Variants in RNF125 observed in about 807,000 individuals in gnomAD.
RNF125 encodes E3 ubiquitin-protein ligase RNF125.
Under a neutral mutation model 26.0 loss-of-function variants are expected in RNF125, and 21 were observed. The ratio of observed to expected loss-of-function variants is 0.81; its 90% confidence interval spans 0.57 to 1.16. The LOEUF is 1.16. RNF125 is among the 50% of genes most tolerant of loss of function. The pLI, the probability that RNF125 is intolerant of heterozygous loss-of-function variation, is 0.00. For missense variants in RNF125, 270 were observed against 299.4 expected, an observed-to-expected ratio of 0.90 and a Z score of 0.72; for synonymous variants, 95 against 109.2, an observed-to-expected ratio of 0.87 and a Z score of 0.81.
At chr18:32,079,027 T>A in the RNF125 span, among the ~76,000 whole-genome samples, 4 of 152,224 alleles carry the variant, frequency 2.6e-5, no homozygotes, top group Non-Finnish European at 2.9e-5. Flanking sequence ...TCTTTGTTTA[T>A]ATATCTGAGA....
rs1230941043 is a variant in RNF125 at position 32,070,392 on chromosome 18, C to G, written c.*2008C>G. ...TTCACCATAATAGCCAGGCTGGTCT[C>G]AAACTCCTTACCTTGTGATCCGCCC... is the stretch of plus-strand genomic sequence containing the variant. On this transcript the variant is annotated 3_prime_UTR_variant, in exon 6 of 6. Coordinates refer to ENST00000217740, the MANE Select transcript of RNF125 (RefSeq NM_017831.4). 1 of 152,142 alleles carries G rather than the reference C, an allele frequency of 6.6e-6. No homozygotes were observed. The highest frequency in any genetic ancestry group is 1.5e-5 in the Non-Finnish European group (1 of 68,070). 9.4% of individuals were successfully genotyped at this position (152,142 alleles called of 1,614,324 possible). A position where few individuals can be genotyped will look rare whatever the true frequency, so the allele number is the denominator to read the frequency against.
At chr18:32,082,808 A>G in the RNF125 span, among the ~76,000 whole-genome samples, 2 of 152,342 alleles carry the variant, frequency 1.3e-5, no homozygotes, top group African/African-American at 4.8e-5. Flanking sequence ...ATTGAAACCA[A>G]TGTCCCAGTT....
intron 1 of RNF125, among the ~76,000 whole-genome samples, chr18:32,023,003 G>A (rs144319465): frequency 5.9e-5 from 9 of 151,692 alleles, no homozygotes; most frequent in East Asian, 1.9e-4. Flanking sequence ...TATTTTTAGC[G>A]GTGAGATCTC....
chr18:32,051,019 G>A (rs550875722), intron 4 of RNF125, among the ~76,000 whole-genome samples: 4 of 151,362 alleles, frequency 2.6e-5, no homozygotes, highest in African/African-American at 7.3e-5. Flanking sequence ...CACCGCGCCT[G>A]GCCTCAAAGT....
intron 1 of RNF125, 119 bp downstream of exon 1, chr18:32,019,146 G>T (rs957687654): frequency 8.1e-7 from 1 of 1,227,384 alleles, no homozygotes; most frequent in East Asian, 2.7e-5. Context: ...ATTGCTGCAG[G>T]GAGAAACCTG....
chr18:32,065,788 C>T (rs964070809), intron 4 of RNF125, 114 bp from the exon 5 acceptor site: 5 of 709,390 alleles, frequency 7.0e-6, no homozygotes, highest in African/African-American at 3.6e-5. Context: ...GCCTCTGCCT[C>T]CCAAAGTACT....
At chr18:32,076,004 T>C (rs943711936), downstream of RNF125, 21 of 952,428 alleles carry the variant, frequency 2.2e-5, no homozygotes, top group Non-Finnish European at 3.5e-5. Flanking sequence ...GGGAGCAGAT[T>C]ATTCTGCCAT....
chr18:32,034,420 G>C (rs1402482759), intron 1 of RNF125, among the ~76,000 whole-genome samples: 2 of 152,166 alleles, frequency 1.3e-5, no homozygotes, highest in African/African-American at 4.8e-5. Flanking sequence ...TCTGGGGGTT[G>C]TTCTTGCTGC....
intron 4 of RNF125, 105 bp downstream of exon 4, chr18:32,045,837 A>G: frequency 1.5e-6 from 1 of 686,234 alleles, no homozygotes; most frequent in Non-Finnish European, 2.5e-6. Context: ...AAGGATAATT[A>G]TTTAAGTTAA....
At chr18:32,075,386 C>T (rs1189545548), downstream of RNF125, among the ~76,000 whole-genome samples, 10 of 151,894 alleles carry the variant, frequency 6.6e-5, no homozygotes, top group Non-Finnish European at 1.3e-4. Flanking sequence ...GATGAAACCC[C>T]GTCTCTACTA....
At chr18:32,026,578 G>A (rs2039039000) in intron 1 of RNF125, among the ~76,000 whole-genome samples, 1 of 152,068 alleles carries the variant, frequency 6.6e-6, no homozygotes, top group African/African-American at 2.4e-5. Flanking sequence ...GAGAATGGTA[G>A]CTGTGGCATT....
intron 4 of RNF125, among the ~76,000 whole-genome samples, chr18:32,046,917 A>C (rs1478479525): frequency 6.6e-6 from 1 of 152,058 alleles, no homozygotes; most frequent in African/African-American, 2.4e-5. Context: ...GAGACAGGCC[A>C]TAGTACAGTG....
At chr18:32,042,089 C>T in intron 2 of RNF125, 90 bp from the exon 3 acceptor site, 1 of 863,846 alleles carries the variant, frequency 1.2e-6, no homozygotes, top group Admixed American at 2.1e-5. Context: ...CACAGTATGA[C>T]CTTACTTGAA....
At position 32,070,406 on chromosome 18, in the gene RNF125, T is replaced by G. The variant is rs2039523518; in HGVS notation, c.*2022T>G. ...CAGGCTGGTCTCAAACTCCTTACCT[T>G]GTGATCCGCCCACCTCAGCCTTCCA... is the stretch of plus-strand genomic sequence containing the variant. On this transcript the variant is annotated 3_prime_UTR_variant, in exon 6 of 6. Coordinates refer to ENST00000217740, the MANE Select transcript of RNF125 (RefSeq NM_017831.4). 1 of 152,178 alleles carries G rather than the reference T, an allele frequency of 6.6e-6. No individual in the cohort carries two copies. The allele number at this position is 152,178 out of a possible 1,614,324, so 9.4% of individuals were successfully genotyped here.
chr18:32,076,796 C>T (rs1156678946), downstream of RNF125, among the ~76,000 whole-genome samples: 4 of 152,104 alleles, frequency 2.6e-5, no homozygotes, highest in Non-Finnish European at 5.9e-5. Flanking sequence ...CATCTTGGCA[C>T]TTTCTATTCC....
downstream of RNF125, among the ~76,000 whole-genome samples, chr18:32,075,714 G>A (rs1194238609): frequency 8.5e-6 from 1 of 117,482 alleles, no homozygotes; most frequent in Non-Finnish European, 1.8e-5. Context: ...AAAAAAAAAG[G>A]TCCATTCCTC....
intron 4 of RNF125, among the ~76,000 whole-genome samples, chr18:32,047,021 A>G (rs2039278901): frequency 6.6e-6 from 1 of 152,074 alleles, no homozygotes; most frequent in South Asian, 2.1e-4. Context: ...GGCACGTGCC[A>G]CTACACCTGC....
rs144971988 is a variant in RNF125 at position 32,067,566 on chromosome 18, C to A, written c.613-732C>A. Among the ~76,000 whole-genome samples, 432 of 152,300 alleles carry A rather than the reference C, an allele frequency of 2.8e-3. 1 individual carries two copies. The highest frequency in any genetic ancestry group is 0.014 in the Middle Eastern group (4 of 294). On this transcript the variant is annotated intron_variant, in intron 5 of 5. Coordinates refer to ENST00000217740, the MANE Select transcript of RNF125 (RefSeq NM_017831.4). The stretch of plus-strand genomic sequence containing the variant: ...TGTAGCAACTTCCGTGAAGTGAATA[C>A]TGTATTTTTATCTTCATTTAACTGA...
chr18:32,075,416 A>G (rs2039563510), downstream of RNF125, among the ~76,000 whole-genome samples: 1 of 152,130 alleles, frequency 6.6e-6, no homozygotes, highest in South Asian at 2.1e-4. Context: ...AAAATTGGCC[A>G]GGCACAGTGG....
Sources: gnomAD v4.1 joint callset for allele counts (sites outside exome capture counted in the v4.1 genomes callset) on GRCh38, gnomAD v4.1.1 for gene constraint, MANE v1.5 for transcripts, NCBI Gene and HGNC (gene_info 2026-07-23, HGNC 2026-07-21) for gene names.